Variants in COL12A1 observed in about 807,000 individuals in gnomAD.
COL12A1 encodes the protein collagen type XII alpha 1 chain.
In COL12A1, 114 loss-of-function variants were observed where a neutral mutation model predicts 349.7. That is an observed-to-expected ratio of 0.33 (90% CI 0.28 to 0.38). The LOEUF (loss-of-function observed/expected upper bound fraction) is 0.38. COL12A1 is among the 10% of genes least tolerant of loss of function. The pLI is 1.00. For synonymous variants in COL12A1, 1,369 were observed against 1,329.0 expected (o/e 1.03, Z -0.66); for missense variants, 3,284 against 3,756.9 (o/e 0.87, Z 3.29).
At chr6:75,128,227 G>T (rs1766112484) in intron 38 of COL12A1, 69 bp downstream of exon 38, 2 of 1,391,868 alleles carry the variant, frequency 1.4e-6, no homozygotes, top group Admixed American at 2.6e-5. Context: ...GTTTTAAAAG[G>T]TATAAAAGCA....
At position 75,086,451 on chromosome 6, in the gene COL12A1, C is replaced by T. The variant is rs886613316; in HGVS notation, c.*96G>A. On this transcript the variant is annotated 3_prime_UTR_variant, in exon 66 of 66. Coordinates refer to ENST00000322507, the MANE Select transcript of COL12A1 (RefSeq NM_004370.6). ...CATTATCTGTGGTGAGATTTCCATA[C>T]AGACTCATTTCCTAATAAGCACGTG... The T allele has an allele frequency of 1.9e-5, 22 of 1,157,936 alleles. No homozygotes were observed. The highest frequency in any genetic ancestry group is 2.5e-5 in the Non-Finnish European group (20 of 804,716). The allele number at this position is 1,157,936 out of a possible 1,614,324, so 71.7% of individuals were successfully genotyped here. A position where few individuals can be genotyped will look rare whatever the true frequency, so the allele number is the denominator to read the frequency against.
intron 31 of COL12A1, among the ~76,000 whole-genome samples, chr6:75,136,840 T>C (rs1766632148): frequency 6.6e-6 from 1 of 152,184 alleles, no homozygotes; most frequent in East Asian, 1.9e-4. Context: ...AAGGTTCTAT[T>C]AAATAGGGAA....
chr6:75,195,657 A>G (rs183637759), intron 2 of COL12A1, among the ~76,000 whole-genome samples: 1 of 152,330 alleles, frequency 6.6e-6, no homozygotes, highest in Admixed American at 6.5e-5. Context: ...AGCGATATTC[A>G]AAAGTTTATT....
intron 1 of COL12A1, among the ~76,000 whole-genome samples, 199 bp downstream of exon 1, chr6:75,205,578 C>G (rs1490952513): frequency 6.6e-6 from 1 of 152,170 alleles, no homozygotes. Flanking sequence ...CAACATTCCC[C>G]TCTCCCTCAA....
chr6:75,147,541 A>G, intron 23 of COL12A1, 134 bp downstream of exon 23: 2 of 904,924 alleles, frequency 2.2e-6, no homozygotes, highest in Non-Finnish European at 3.3e-6. Context: ...GCACCTGCAC[A>G]AAGATGACAC....
At chr6:75,144,853 C>T (rs1250295265) in intron 25 of COL12A1, among the ~76,000 whole-genome samples, 1 of 152,228 alleles carries the variant, frequency 6.6e-6, no homozygotes, top group Non-Finnish European at 1.5e-5. Flanking sequence ...CTGAAACAGA[C>T]TTAATCATAT....
At chr6:75,154,597 T>G in intron 16 of COL12A1, 60 bp from the exon 17 acceptor site, 1 of 1,502,960 alleles carries the variant, frequency 6.7e-7, no homozygotes, top group Non-Finnish European at 8.9e-7. Context: ...GGTAGCACTT[T>G]TTTTTTGCTT....
chr6:75,151,068 C>A (rs180846324), intron 21 of COL12A1, 73 bp downstream of exon 21: 3 of 494,276 alleles, frequency 6.1e-6, no homozygotes, highest in Non-Finnish European at 1.0e-5. Context: ...GCCCTCCCCC[C>A]CACCCAAAAG....
intron 17 of COL12A1, 111 bp downstream of exon 17, chr6:75,154,304 AT>A: frequency 8.0e-7 from 1 of 1,247,754 alleles, no homozygotes; most frequent in African/African-American, 1.5e-5. Flanking sequence ...ATTGAAATAA[AT>A]TTTAGTGTAA....
chr6:75,192,180 A>G (rs1290173560), intron 4 of COL12A1, 32 bp downstream of exon 4: 1 of 1,417,526 alleles, frequency 7.1e-7, no homozygotes, highest in Non-Finnish European at 9.4e-7. Flanking sequence ...AATAAAAATT[A>G]TACAAATATT....
chr6:75,120,691 G>A (rs1220304052), intron 44 of COL12A1, among the ~76,000 whole-genome samples: 1 of 152,046 alleles, frequency 6.6e-6, no homozygotes, highest in African/African-American at 2.4e-5. Flanking sequence ...CTGTGTTAGG[G>A]TTACATGATG....
chr6:75,115,583 C>A (rs1006323056), intron 49 of COL12A1, among the ~76,000 whole-genome samples: 10 of 152,084 alleles, frequency 6.6e-5, no homozygotes, highest in African/African-American at 1.9e-4. Context: ...AATAACGAGG[C>A]CTGAGTCTTA....
At chr6:75,175,900 A>T (rs1768912344) in intron 12 of COL12A1, among the ~76,000 whole-genome samples, 2 of 152,358 alleles carry the variant, frequency 1.3e-5, no homozygotes, top group African/African-American at 4.8e-5. Context: ...CTGCTATTTC[A>T]TGACTTTCTT....
chr6:75,122,791 A>G (rs1765811121), intron 43 of COL12A1, among the ~76,000 whole-genome samples: 1 of 152,234 alleles, frequency 6.6e-6, no homozygotes, highest in Non-Finnish European at 1.5e-5. Flanking sequence ...ACAAAGTGCT[A>G]GAGAATTGCC....
chr6:75,127,487 T>C (rs1412710), intron 38 of COL12A1, among the ~76,000 whole-genome samples: 111,388 of 152,152 alleles, frequency 0.73, 42,554 homozygotes, highest in Non-Finnish European at 0.84. Context: ...GTCATGTTAC[T>C]TAAGTAGATT....
chr6:75,180,745 T>C (rs986558121), intron 11 of COL12A1, among the ~76,000 whole-genome samples, 194 bp downstream of exon 11: 2 of 152,064 alleles, frequency 1.3e-5, no homozygotes, highest in Non-Finnish European at 2.9e-5. Context: ...TCAAAAGAAG[T>C]CTAAGGTTTT....
intron 2 of COL12A1, among the ~76,000 whole-genome samples, chr6:75,197,760 A>G (rs1005187388): frequency 1.7e-4 from 26 of 152,248 alleles, no homozygotes; most frequent in African/African-American, 2.4e-5. Context: ...CTGAATACTG[A>G]CAGTAAAGAG....
At chr6:75,126,752 A>T (rs1766037337) in intron 38 of COL12A1, among the ~76,000 whole-genome samples, 1 of 152,158 alleles carries the variant, frequency 6.6e-6, no homozygotes, top group African/African-American at 2.4e-5. Flanking sequence ...ATGACTCAGG[A>T]TTATAGAAAA....
chr6:75,113,259 G>A lies in COL12A1; in HGVS notation c.7895C>T (p.Thr2632Ile). Residue 2632 changes from threonine (T) to isoleucine (I), a missense_variant, in exon 51 of 66, where the codon ACT becomes ATT. By Grantham distance (89) the Thr-to-Ile change is moderately conservative (BLOSUM62 -1). Around this residue, in one of 2 missense-constraint regions of COL12A1, gnomAD observed 683 missense variants for 932.1 expected, o/e 0.73. Coordinates refer to ENST00000322507, the MANE Select transcript of COL12A1 (RefSeq NM_004370.6). ...TACTTCTTCTGTGTCAAATGTAACA[G>A]TTTGCACCTCGCCTCTTGTATCCTT... The part of the protein sequence containing the change: ...FNKDTRGEVQ[T>I]VTFDTEEVKT... 6.4e-7 allele frequency: 1 copy of A among 1,564,964 alleles called. No homozygotes were observed. The highest frequency in any genetic ancestry group is 8.6e-7 in the Non-Finnish European group (1 of 1,158,242).
Sources: allele counts gnomAD v4.1 joint callset (sites outside exome capture counted in the v4.1 genomes callset), GRCh38; gene constraint gnomAD v4.1.1; regional missense constraint gnomAD v4.1.1; transcripts MANE v1.5; gene names NCBI Gene and HGNC (gene_info 2026-07-23, HGNC 2026-07-21).